Variants in TSPAN9 observed in about 807,000 individuals in gnomAD.
The protein encoded by TSPAN9 is tetraspanin-9.
TSPAN9 carries 16 observed loss-of-function variants against 31.0 expected under a neutral mutation model. The observed-to-expected ratio is 0.52, with a 90% CI of 0.35 to 0.78. TSPAN9 has a LOEUF of 0.78. Among genes scored for constraint, TSPAN9 ranks in the 30% least tolerant of loss-of-function variants. The pLI is 0.01. For synonymous variants in TSPAN9, 145 were observed against 121.6 expected, an observed-to-expected ratio of 1.19 and a Z score of -1.27; for missense variants, 272 against 312.5, an observed-to-expected ratio of 0.87 and a Z score of 0.98.
At chr12:3,134,423 A>G (rs56716492) in intron 2 of TSPAN9, among the ~76,000 whole-genome samples, 30,291 of 152,202 alleles carry the variant, frequency 0.2, 3,267 homozygotes, top group African/African-American at 0.28. Context: ...TGAAGGTTCA[A>G]GGAGGGAAGA....
intron 3 of TSPAN9, among the ~76,000 whole-genome samples, chr12:3,263,760 G>A (rs1862492958): frequency 1.3e-5 from 2 of 152,228 alleles, no homozygotes; most frequent in African/African-American, 4.8e-5. Context: ...TTCTGGGGCC[G>A]ATGACGGCCA....
rs566093841 is a variant in TSPAN9, at chr12:3,265,582, A to G, written c.64-12839A>G. On this transcript the variant is annotated intron_variant, in intron 3 of 8. Transcript: ENST00000011898. ...ACAGCTCTGGCAGAATCAGCAAAGCAGGTAGTCGCCCTCGGCTGGACTGAG... is the reference window on the plus strand; with the variant it reads ...ACAGCTCTGGCAGAATCAGCAAAGCGGGTAGTCGCCCTCGGCTGGACTGAG... Among the ~76,000 whole-genome samples, 504 of 152,320 alleles carry G rather than the reference A, an allele frequency of 3.3e-3. 6 individuals carry two copies. The highest frequency in any genetic ancestry group is 5.6e-3 in the Admixed American group (86 of 15,308).
intron 2 of TSPAN9, among the ~76,000 whole-genome samples, chr12:3,162,549 G>T (rs375613105): frequency 6.6e-6 from 1 of 152,194 alleles, no homozygotes; most frequent in East Asian, 1.9e-4. Context: ...AGCTGATGGG[G>T]CTCTTGGAAG....
At chr12:3,109,815 A>G (rs2098317439) in intron 2 of TSPAN9, among the ~76,000 whole-genome samples, 2 of 140,030 alleles carry the variant, frequency 1.4e-5, no homozygotes, top group Admixed American at 1.4e-4. Context: ...AAAAAAAAAA[A>G]GACTTTTTAG....
chr12:3,269,953 G>A (rs73256335), intron 3 of TSPAN9, among the ~76,000 whole-genome samples: 2,118 of 152,324 alleles, frequency 0.014, 55 homozygotes, highest in African/African-American at 0.049. Context: ...AGCGGGAATC[G>A]ATGTTTATGG....
intron 2 of TSPAN9, among the ~76,000 whole-genome samples, chr12:3,186,653 A>G (rs2098361578): frequency 6.6e-6 from 1 of 152,074 alleles, no homozygotes; most frequent in South Asian, 2.1e-4. Context: ...TTTTGCACAG[A>G]TCAGTGGCAT....
chr12:3,141,660 T>A (rs1338058773), intron 2 of TSPAN9, among the ~76,000 whole-genome samples: 4 of 152,168 alleles, frequency 2.6e-5, no homozygotes, highest in Non-Finnish European at 4.4e-5. Context: ...CTCCAAGTCC[T>A]AGATGGTGGC....
intron 2 of TSPAN9, among the ~76,000 whole-genome samples, chr12:3,086,759 T>A (rs1193026453): frequency 6.6e-6 from 1 of 152,166 alleles, no homozygotes; most frequent in Non-Finnish European, 1.5e-5. Flanking sequence ...TGTGCGAAAT[T>A]TGAAAAATGG....
At chr12:3,186,543 TGTTTGTG>T (rs3222652) in intron 2 of TSPAN9, among the ~76,000 whole-genome samples, 2 of 34,440 alleles carry the variant, frequency 5.8e-5, no homozygotes, top group Non-Finnish European at 1.2e-4. Flanking sequence ...GCCAGGAGTT[TGTTTGTG>T]TGTGTGTGTG....
chr12:3,117,989 G>A (rs892699676), intron 2 of TSPAN9, among the ~76,000 whole-genome samples: 4 of 152,250 alleles, frequency 2.6e-5, no homozygotes, highest in African/African-American at 9.6e-5. Flanking sequence ...GCAGTGCAGG[G>A]AGGTGGTTAG....
chr12:3,273,480 G>A (rs556138244), intron 3 of TSPAN9, among the ~76,000 whole-genome samples: 1 of 152,250 alleles, frequency 6.6e-6, no homozygotes, highest in Non-Finnish European at 1.5e-5. Context: ...CCAATCCCCT[G>A]AGTCACCCTG....
At position 3,101,809 on chromosome 12, in the gene TSPAN9, G is replaced by T. The variant is rs190358567; in HGVS notation, c.-18+18090G>T. On this transcript the variant is annotated intron_variant, in intron 2 of 8. Coordinates refer to ENST00000011898, the MANE Select transcript of TSPAN9 (RefSeq NM_006675.5). ...GACAGAGGATGGCTCTGATTAGCCCGTTGTTTTCCCTGCTCCCTGGTGGCT... is the reference window on the plus strand; with the variant it reads ...GACAGAGGATGGCTCTGATTAGCCCTTTGTTTTCCCTGCTCCCTGGTGGCT... 1.8e-3 allele frequency among the ~76,000 whole-genome samples: 280 copies of T among 152,304 alleles called. 1 individual carries two copies. Among genetic ancestry groups the T allele is most frequent in the Non-Finnish European group, 3.4e-3 (232 of 68,012 alleles).
At chr12:3,118,559 C>A (rs2098323661) in intron 2 of TSPAN9, among the ~76,000 whole-genome samples, 1 of 152,026 alleles carries the variant, frequency 6.6e-6, no homozygotes, top group South Asian at 2.1e-4. Flanking sequence ...CCGCTCCTGG[C>A]CAGACCCCTC....
rs1208267730 is a variant in TSPAN9 at position 3,191,970 on chromosome 12, A to G, written c.-17-9207A>G. Among the ~76,000 whole-genome samples the G allele has an allele frequency of 2.0e-5, 3 of 152,208 alleles. No individual in the cohort carries two copies. In the East Asian group the frequency reaches 5.8e-4, roughly 29 times the overall value. ...AATAGACCTTCTTCAATAATTCACAAGAGCTCAGGGGTGAGTAGAGTGAAG... is the reference window on the plus strand; with the variant it reads ...AATAGACCTTCTTCAATAATTCACAGGAGCTCAGGGGTGAGTAGAGTGAAG... On this transcript the variant is annotated intron_variant, in intron 2 of 8. Transcript: ENST00000011898.
intron 2 of TSPAN9, among the ~76,000 whole-genome samples, chr12:3,183,867 G>T (rs1325276734): frequency 6.6e-6 from 1 of 152,182 alleles, no homozygotes; most frequent in Non-Finnish European, 1.5e-5. Flanking sequence ...TGTAAGTTGG[G>T]TACAATGATG....
At position 3,133,433 on chromosome 12, in the gene TSPAN9, A is replaced by C. The variant is rs889760936; in HGVS notation, c.-18+49714A>C. 2.6e-5 allele frequency among the ~76,000 whole-genome samples: 4 copies of C among 152,176 alleles called. No individual in the cohort carries two copies. In the East Asian group the frequency reaches 7.7e-4, roughly 29 times the overall value. ...ATAAAATAACATAAAAGTATCAGTA[A>C]AATGTGAGGCCCCATTCCTATGCCC... is the stretch of plus-strand genomic sequence containing the variant. On this transcript the variant is annotated intron_variant, in intron 2 of 8. Transcript: ENST00000011898.
At chr12:3,236,164 CT>C (rs1315229291) in intron 3 of TSPAN9, among the ~76,000 whole-genome samples, 1 of 150,592 alleles carries the variant, frequency 6.6e-6, no homozygotes, top group African/African-American at 2.5e-5. Flanking sequence ...TTTGAACCCC[CT>C]GCTCTGCCTC....
At chr12:3,122,916 C>T (rs1419574926) in intron 2 of TSPAN9, among the ~76,000 whole-genome samples, 3 of 152,190 alleles carry the variant, frequency 2.0e-5, no homozygotes, top group East Asian at 1.9e-4. Context: ...AGAGAGCTTG[C>T]GTTTTGCCCC....
chr12:3,178,275 G>A (rs1158699121), intron 2 of TSPAN9, among the ~76,000 whole-genome samples: 2 of 151,558 alleles, frequency 1.3e-5, no homozygotes, highest in Non-Finnish European at 2.9e-5. Flanking sequence ...CCATGGAGAT[G>A]AAGGGGTTTC....
Sources: allele counts gnomAD v4.1 joint callset (sites outside exome capture counted in the v4.1 genomes callset), GRCh38; gene constraint gnomAD v4.1.1; transcripts MANE v1.5; gene names NCBI Gene and HGNC (gene_info 2026-07-23, HGNC 2026-07-21).